The following GPR158 variants were observed in gnomAD, a reference collection of about 807,000 sequenced individuals.
The protein encoded by GPR158 is metabotropic glycine receptor.
In GPR158, 30 loss-of-function variants were observed where a neutral mutation model predicts 78.2. The ratio of observed to expected loss-of-function variants is 0.38; its 90% CI spans 0.29 to 0.52. The LOEUF is 0.52. Among genes scored for constraint, GPR158 ranks in the 20% least tolerant of loss-of-function variants. The pLI, the probability that GPR158 is intolerant of heterozygous loss-of-function variation, is 0.83. For synonymous variants in GPR158, 581 were observed against 591.1 expected (o/e 0.98, Z 0.25); for missense variants, 1,463 against 1,523.5 (o/e 0.96, Z 0.66).
chr10:25,286,391 T>C (rs949662632), intron 2 of GPR158, among the ~76,000 whole-genome samples: 5 of 152,176 alleles, frequency 3.3e-5, no homozygotes, highest in African/African-American at 1.2e-4. Context: ...GCATTCTTCA[T>C]CTTTGTTACT....
chr10:25,346,342 C>T (rs1588813252), intron 2 of GPR158, among the ~76,000 whole-genome samples: 1 of 151,926 alleles, frequency 6.6e-6, no homozygotes, highest in African/African-American at 2.4e-5. Flanking sequence ...ACCTCCTTTA[C>T]CCTTGCAAAA....
intron 5 of GPR158, among the ~76,000 whole-genome samples, chr10:25,540,968 ATATATATAT>A (rs1564484259): frequency 0.018 from 2,300 of 125,858 alleles, 73 homozygotes; most frequent in African/African-American, 0.067. Flanking sequence ...ATATATATAT[ATATATATAT>A]AAAGTTTATC....
At chr10:25,419,565 C>A (rs1374082383) in intron 4 of GPR158, among the ~76,000 whole-genome samples, 1 of 152,162 alleles carries the variant, frequency 6.6e-6, no homozygotes, top group East Asian at 1.9e-4. Flanking sequence ...TGAGGAACCA[C>A]CAAACCGTTT....
intron 6 of GPR158, among the ~76,000 whole-genome samples, chr10:25,553,187 A>T (rs1461245675): frequency 6.6e-6 from 1 of 152,182 alleles, no homozygotes; most frequent in East Asian, 1.9e-4. Flanking sequence ...AAATTGACTT[A>T]AAGAAATTAT....
chr10:25,381,109 A>T (rs1026174252), intron 2 of GPR158, among the ~76,000 whole-genome samples: 1 of 152,208 alleles, frequency 6.6e-6, no homozygotes, highest in African/African-American at 2.4e-5. Context: ...AGGGAGTGGC[A>T]AAAGAAGTAG....
intron 2 of GPR158, among the ~76,000 whole-genome samples, chr10:25,260,201 C>T (rs1853949017): frequency 6.6e-6 from 1 of 152,032 alleles, no homozygotes; most frequent in African/African-American, 2.4e-5. Flanking sequence ...TTTATTAGGC[C>T]AAGGAATTTG....
intron 3 of GPR158, among the ~76,000 whole-genome samples, chr10:25,398,259 G>A (rs56309132): frequency 0.025 from 3,819 of 152,182 alleles, 171 homozygotes; most frequent in African/African-American, 0.087. Flanking sequence ...CTAAACTTTT[G>A]ATCATTTGTA....
At chr10:25,527,598 C>A (rs191942279) in intron 5 of GPR158, among the ~76,000 whole-genome samples, 1 of 152,166 alleles carries the variant, frequency 6.6e-6, no homozygotes, top group East Asian at 1.9e-4. Context: ...TTATAGGGAA[C>A]TTTACAGAAT....
chr10:25,403,966 CT>C (rs1383048223), intron 3 of GPR158, among the ~76,000 whole-genome samples: 1 of 151,960 alleles, frequency 6.6e-6, no homozygotes, highest in Non-Finnish European at 1.5e-5. Context: ...ATCATGGCCC[CT>C]ATCTCAAAGA....
At chr10:25,548,932 A>G (rs750103440) in intron 5 of GPR158, among the ~76,000 whole-genome samples, 2 of 152,200 alleles carry the variant, frequency 1.3e-5, no homozygotes, top group South Asian at 4.1e-4. Flanking sequence ...GTTTGAAGGT[A>G]TATCAGTAGT....
At chr10:25,586,735 G>T (rs562213629) in intron 7 of GPR158, among the ~76,000 whole-genome samples, 3 of 152,250 alleles carry the variant, frequency 2.0e-5, no homozygotes, top group African/African-American at 7.2e-5. Context: ...ACCTTCTAAT[G>T]GAGATGTGAC....
intron 5 of GPR158, among the ~76,000 whole-genome samples, chr10:25,508,534 G>A (rs1836043111): frequency 6.6e-6 from 1 of 152,162 alleles, no homozygotes; most frequent in African/African-American, 2.4e-5. Context: ...AAGGCATTTT[G>A]TGCACAGTCT....
intron 4 of GPR158, among the ~76,000 whole-genome samples, chr10:25,415,157 T>G (rs1834643071): frequency 6.6e-6 from 1 of 152,030 alleles, no homozygotes; most frequent in Non-Finnish European, 1.5e-5. Context: ...GAAGCATACA[T>G]GACAAAAGTA....
chr10:25,554,913 C>A (rs1028225769), intron 6 of GPR158, among the ~76,000 whole-genome samples: 3 of 151,870 alleles, frequency 2.0e-5, no homozygotes, highest in African/African-American at 7.3e-5. Flanking sequence ...CCTCTTTTTG[C>A]CTACACCCCA....
At chr10:25,411,633 A>G (rs969859813) in intron 3 of GPR158, among the ~76,000 whole-genome samples, 14 of 151,980 alleles carry the variant, frequency 9.2e-5, no homozygotes, top group South Asian at 2.1e-4. Context: ...AGTGGTAGAT[A>G]ATGATATAAA....
chr10:25,379,903 T>C (rs370199343), intron 2 of GPR158, among the ~76,000 whole-genome samples: 5 of 145,630 alleles, frequency 3.4e-5, no homozygotes, highest in Admixed American at 2.0e-4. Context: ...TTTTTTTTTT[T>C]ACCTTGGATC....
intron 5 of GPR158, among the ~76,000 whole-genome samples, chr10:25,515,526 C>G (rs1332375136): frequency 1.7e-5 from 2 of 115,298 alleles, no homozygotes; most frequent in African/African-American, 6.5e-5. Flanking sequence ...CCCCTCCCCC[C>G]ACCCCACCAC....
intron 5 of GPR158, among the ~76,000 whole-genome samples, chr10:25,547,036 G>A (rs573803147): frequency 6.6e-6 from 1 of 152,132 alleles, no homozygotes; most frequent in South Asian, 2.1e-4. Context: ...GCCACTGAAA[G>A]GTTCTAAGCA....
chr10:25,477,918 T>C (rs958005769), intron 5 of GPR158, among the ~76,000 whole-genome samples: 1 of 152,164 alleles, frequency 6.6e-6, no homozygotes, highest in African/African-American at 2.4e-5. Flanking sequence ...CTTTTTTCTC[T>C]TCTATAGTGT....
Sources: allele counts gnomAD v4.1 joint callset (sites outside exome capture counted in the v4.1 genomes callset), GRCh38; gene constraint gnomAD v4.1.1; transcripts MANE v1.5; gene names NCBI Gene and HGNC (gene_info 2026-07-23, HGNC 2026-07-21).